Variants in AGBL1 observed in about 807,000 individuals in gnomAD.
The protein encoded by AGBL1 is cytosolic carboxypeptidase 4.
A neutral mutation model predicts 118.9 loss-of-function variants in AGBL1; 130 were observed. That is an observed-to-expected ratio of 1.09 (90% confidence interval 0.95 to 1.26). AGBL1 has a LOEUF of 1.26. AGBL1 is among the 50% of genes most tolerant of loss of function. The pLI is 0.00. For synonymous variants in AGBL1, 555 were observed against 478.9 expected (o/e 1.16, Z -2.08); for missense variants, 1,584 against 1,298.1 (o/e 1.22, Z -3.38).
intron 21 of AGBL1, among the ~76,000 whole-genome samples, chr15:86,581,785 G>T (rs1390640104): frequency 6.6e-6 from 1 of 152,116 alleles, no homozygotes; most frequent in East Asian, 1.9e-4. Flanking sequence ...GAGACCATTT[G>T]TAGTCTCGGT....
intron 22 of AGBL1, among the ~76,000 whole-genome samples, chr15:86,862,472 C>T (rs1203657681): frequency 1.3e-5 from 2 of 152,146 alleles, no homozygotes; most frequent in African/African-American, 4.8e-5. Flanking sequence ...GTAATCCCAG[C>T]ACTTTGGGAG....
intron 22 of AGBL1, among the ~76,000 whole-genome samples, chr15:86,894,225 T>G (rs1027034369): frequency 6.6e-6 from 1 of 152,222 alleles, no homozygotes; most frequent in African/African-American, 2.4e-5. Flanking sequence ...GATTTCTGCA[T>G]GATGCTATAA....
At chr15:86,122,295 T>C (rs1285910798) in intron 1 of AGBL1, among the ~76,000 whole-genome samples, 1 of 152,210 alleles carries the variant, frequency 6.6e-6, no homozygotes, top group Non-Finnish European at 1.5e-5. Context: ...AGAATGTAGA[T>C]ATTCCCGTGA....
intron 18 of AGBL1, among the ~76,000 whole-genome samples, chr15:86,521,112 A>C (rs746839402): frequency 3.9e-5 from 6 of 152,214 alleles, no homozygotes; most frequent in Non-Finnish European, 7.3e-5. Flanking sequence ...AATCAGGATA[A>C]GTGATTAATC....
At chr15:86,079,861 G>C, upstream of AGBL1, 2 of 704,592 alleles carry the variant, frequency 2.8e-6, no homozygotes, top group Non-Finnish European at 4.0e-6. Flanking sequence ...TGCAGCTGAG[G>C]CCTCCGGGCA....
In AGBL1 at chr15:86,907,539, T is replaced by TA. The variant is rs990674682; in HGVS notation, c.*246dup. 1 of 152,204 alleles carries TA rather than the reference T, an allele frequency of 6.6e-6. No homozygotes were observed. The highest frequency in any genetic ancestry group is 2.4e-5 in the African/African-American group (1 of 41,452). 9.4% of individuals were successfully genotyped at this position (152,204 alleles called of 1,614,324 possible). On this transcript the variant is annotated 3_prime_UTR_variant, in exon 23 of 23. Transcript: ENST00000614907. ...GGCCTATGCAAGCTGCTATTGTACT[T>TA]AGAATGGGACCCAATGGGTAGCCTC...
At chr15:86,336,254 A>G (rs2080366744) in intron 17 of AGBL1, among the ~76,000 whole-genome samples, 2 of 152,316 alleles carry the variant, frequency 1.3e-5, no homozygotes, top group South Asian at 4.1e-4. Flanking sequence ...CATCTGCTCC[A>G]GGCTGTGACT....
intron 17 of AGBL1, among the ~76,000 whole-genome samples, chr15:86,318,479 C>T (rs59696600): frequency 6.6e-6 from 1 of 151,324 alleles, no homozygotes; most frequent in East Asian, 1.9e-4. Flanking sequence ...TGACATATAT[C>T]TTTTACTCAA....
intron 18 of AGBL1, among the ~76,000 whole-genome samples, chr15:86,408,427 C>T (rs1167146788): frequency 2.0e-5 from 3 of 152,208 alleles, no homozygotes; most frequent in Non-Finnish European, 2.9e-5. Flanking sequence ...ATAATCTCTT[C>T]GCAGTTAAAG....
At chr15:86,255,056 A>C (rs942477269) in intron 7 of AGBL1, among the ~76,000 whole-genome samples, 1 of 152,220 alleles carries the variant, frequency 6.6e-6, no homozygotes, top group African/African-American at 2.4e-5. Flanking sequence ...CCAACAAAAA[A>C]GACATGATTA....
At chr15:86,549,813 C>A (rs369026247) in intron 20 of AGBL1, among the ~76,000 whole-genome samples, 1 of 130,722 alleles carries the variant, frequency 7.6e-6, no homozygotes, top group African/African-American at 2.9e-5. Flanking sequence ...ATAATTAGAA[C>A]AGAAAGAAGG....
intron 6 of AGBL1, among the ~76,000 whole-genome samples, chr15:86,244,450 G>A (rs7175103): frequency 0.036 from 5,549 of 152,144 alleles, 128 homozygotes; most frequent in South Asian, 0.072. Flanking sequence ...TCCTCTTGTC[G>A]CATTTTAGAT....
rs551507462 is a variant in AGBL1 at position 86,765,913 on chromosome 15, A to G, written c.3158+91477A>G. ...TCTCTAGGTGTTGTCTAAAAGAGGG[A>G]GAGCTGAGCCTAGTTTAGTCAGCAA... On this transcript the variant is annotated intron_variant, in intron 22 of 22. Coordinates refer to ENST00000614907, the MANE Select transcript of AGBL1 (RefSeq NM_001386094.1). Among the ~76,000 whole-genome samples the G allele has an allele frequency of 8.5e-5, 13 of 152,078 alleles. No homozygotes were observed. The South Asian group carries it at 2.7e-3, about 31-fold the overall frequency.
chr15:86,703,522 G>A (rs1462863794), intron 22 of AGBL1, among the ~76,000 whole-genome samples: 1 of 152,102 alleles, frequency 6.6e-6, no homozygotes, highest in Admixed American at 6.6e-5. Flanking sequence ...AGAACAGTGC[G>A]ATAAAATAAA....
chr15:86,561,593 C>T (rs1378406772), intron 21 of AGBL1, among the ~76,000 whole-genome samples: 1 of 152,146 alleles, frequency 6.6e-6, no homozygotes, highest in Non-Finnish European at 1.5e-5. Flanking sequence ...AGTGTGATGC[C>T]TCCAGCTTCG....
At chr15:86,422,534 G>C (rs1000726861) in intron 18 of AGBL1, among the ~76,000 whole-genome samples, 17 of 152,156 alleles carry the variant, frequency 1.1e-4, no homozygotes, top group African/African-American at 3.9e-4. Flanking sequence ...CATAATTAAG[G>C]AACTAGAGAA....
chr15:87,016,251 C>G (rs544749627), intron 24 of AGBL1, among the ~76,000 whole-genome samples: 1 of 54,466 alleles, frequency 1.8e-5, no homozygotes, highest in Non-Finnish European at 4.2e-5. Context: ...TTTTTAATAA[C>G]TGTCCCAGGT....
At chr15:86,082,740 G>A (rs1353849018) in intron 1 of AGBL1, among the ~76,000 whole-genome samples, 4 of 152,154 alleles carry the variant, frequency 2.6e-5, no homozygotes, top group Admixed American at 6.5e-5. Flanking sequence ...TCTCTGTCCC[G>A]AAGGTCTGAG....
intron 18 of AGBL1, 79 bp downstream of exon 18, chr15:86,397,625 T>C: frequency 6.0e-6 from 8 of 1,336,100 alleles, no homozygotes; most frequent in South Asian, 1.4e-5. Flanking sequence ...GTAGGCGTGA[T>C]TGGAGAGGCC....
Sources: allele counts gnomAD v4.1 joint callset (sites outside exome capture counted in the v4.1 genomes callset), GRCh38; gene constraint gnomAD v4.1.1; transcripts MANE v1.5; gene names NCBI Gene and HGNC (gene_info 2026-07-23, HGNC 2026-07-21).